CNTN5: variants seen among roughly 807,000 people sequenced by gnomAD.
CNTN5 encodes the protein contactin 5.
A neutral mutation model predicts 129.1 loss-of-function variants in CNTN5; 77 were observed. That is an observed-to-expected ratio of 0.60 (90% CI 0.50 to 0.72). The LOEUF is 0.72. Ranked by LOEUF, CNTN5 falls within the 30% of genes least tolerant of loss-of-function variation. The pLI is 0.00. For synonymous variants in CNTN5, 509 were observed against 465.6 expected, an observed-to-expected ratio of 1.09 and a Z score of -1.20; for missense variants, 1,478 against 1,328.8, an observed-to-expected ratio of 1.11 and a Z score of -1.75.
intron 21 of CNTN5, among the ~76,000 whole-genome samples, chr11:100,315,271 T>C (rs1477763213): frequency 6.6e-6 from 1 of 152,172 alleles, no homozygotes; most frequent in Non-Finnish European, 1.5e-5. Flanking sequence ...CTTAATTGGT[T>C]TAAGAAATAA....
At chr11:99,297,470 ACATGCTGT>A (rs1309861641) in intron 1 of CNTN5, among the ~76,000 whole-genome samples, 1 of 131,756 alleles carries the variant, frequency 7.6e-6, no homozygotes, top group Non-Finnish European at 1.8e-5. Flanking sequence ...AGAGCAGATG[ACATGCTGT>A]AGTGCCAAAC....
intron 8 of CNTN5, among the ~76,000 whole-genome samples, chr11:99,966,218 T>C (rs1951090211): frequency 6.6e-6 from 1 of 152,226 alleles, no homozygotes; most frequent in South Asian, 2.1e-4. Context: ...GCAAAGGCAG[T>C]ATTTTTCCTT....
intron 2 of CNTN5, among the ~76,000 whole-genome samples, chr11:99,404,265 T>C (rs1353185955): frequency 2.1e-5 from 3 of 142,462 alleles, no homozygotes; most frequent in African/African-American, 7.9e-5. Flanking sequence ...TTAAGTTTAT[T>C]TCTTATAGGC....
At position 100,339,534 on chromosome 11, in the gene CNTN5, A is replaced by C. The variant is rs895182528; in HGVS notation, c.2731-929A>C. Among the ~76,000 whole-genome samples the C allele has an allele frequency of 2.0e-5, 3 of 152,128 alleles. No individual in the cohort carries two copies. In the East Asian group the frequency reaches 5.8e-4, roughly 29 times the overall value. On this transcript the variant is annotated intron_variant, in intron 21 of 24. Coordinates refer to ENST00000524871, the MANE Select transcript of CNTN5 (RefSeq NM_014361.4). ...AAAAAGGCAAGATTCAATTGGTAAA[A>C]AGGCATTATTCAGAAAGAACAAATA...
At chr11:99,745,489 G>C (rs1565484382) in intron 3 of CNTN5, among the ~76,000 whole-genome samples, 1 of 147,688 alleles carries the variant, frequency 6.8e-6, no homozygotes, top group Non-Finnish European at 1.5e-5. Context: ...CAGCTAATGA[G>C]TTTTTTGCTC....
chr11:99,996,657 AG>A (rs770051134), intron 8 of CNTN5, among the ~76,000 whole-genome samples: 33 of 152,158 alleles, frequency 2.2e-4, no homozygotes, highest in Non-Finnish European at 3.8e-4. Flanking sequence ...ACACTGATAA[AG>A]AATACTTGAG....
intron 1 of CNTN5, among the ~76,000 whole-genome samples, chr11:99,221,499 G>A (rs1167604373): frequency 6.6e-6 from 1 of 151,870 alleles, no homozygotes; most frequent in African/African-American, 2.4e-5. Flanking sequence ...TCTCCAGGGT[G>A]ACATAAATGT....
chr11:99,122,767 G>T (rs1858411619), intron 1 of CNTN5, among the ~76,000 whole-genome samples: 1 of 151,868 alleles, frequency 6.6e-6, no homozygotes, highest in Non-Finnish European at 1.5e-5. Context: ...TCATTGTTTA[G>T]CTCCCACCTA....
At chr11:100,091,805 A>G (rs1245526121) in intron 13 of CNTN5, among the ~76,000 whole-genome samples, 2 of 152,094 alleles carry the variant, frequency 1.3e-5, no homozygotes, top group African/African-American at 2.4e-5. Flanking sequence ...GTGACCCCAG[A>G]GCCTAGAATT....
At chr11:99,914,107 T>C (rs1413665024) in intron 6 of CNTN5, among the ~76,000 whole-genome samples, 1 of 152,036 alleles carries the variant, frequency 6.6e-6, no homozygotes, top group Non-Finnish European at 1.5e-5. Flanking sequence ...TATATTGGCA[T>C]GTATCTGTAG....
chr11:99,724,588 G>T (rs1010892904), intron 3 of CNTN5, among the ~76,000 whole-genome samples: 2 of 152,122 alleles, frequency 1.3e-5, no homozygotes, highest in African/African-American at 4.8e-5. Context: ...AGAAAGCGAA[G>T]AACAGAAAAC....
chr11:99,886,954 A>G (rs985443010), intron 6 of CNTN5, among the ~76,000 whole-genome samples: 4 of 152,168 alleles, frequency 2.6e-5, no homozygotes, highest in African/African-American at 9.7e-5. Flanking sequence ...GGGCAGGAGG[A>G]ATATAAAAGA....
chr11:99,809,490 A>G (rs932468493), intron 3 of CNTN5, among the ~76,000 whole-genome samples: 1 of 152,072 alleles, frequency 6.6e-6, no homozygotes, highest in Non-Finnish European at 1.5e-5. Context: ...ATATTGCATT[A>G]TTTGTGTCTA....
chr11:99,442,298 T>G (rs1471574539), intron 2 of CNTN5, among the ~76,000 whole-genome samples: 2 of 152,062 alleles, frequency 1.3e-5, no homozygotes, highest in African/African-American at 4.8e-5. Flanking sequence ...GACTCCCGAG[T>G]AGCTGGGATT....
At chr11:100,282,718 G>A (rs180698188) in intron 18 of CNTN5, among the ~76,000 whole-genome samples, 2 of 152,200 alleles carry the variant, frequency 1.3e-5, no homozygotes, top group African/African-American at 4.8e-5. Flanking sequence ...TGCCATTCAG[G>A]AGCCAGGGAC....
chr11:99,844,583 A>G (rs1056100837), intron 4 of CNTN5: 1 of 417,036 alleles, frequency 2.4e-6, no homozygotes, highest in African/African-American at 2.1e-5. Flanking sequence ...AATGAAAACA[A>G]AGATATATAT....
intron 2 of CNTN5, among the ~76,000 whole-genome samples, chr11:99,509,165 C>A (rs1415195130): frequency 6.6e-6 from 1 of 152,022 alleles, no homozygotes; most frequent in Non-Finnish European, 1.5e-5. Flanking sequence ...AGGGAATTCT[C>A]ATATATATTT....
At chr11:99,711,320 G>A (rs1164715987) in intron 3 of CNTN5, among the ~76,000 whole-genome samples, 1 of 151,826 alleles carries the variant, frequency 6.6e-6, no homozygotes, top group Non-Finnish European at 1.5e-5. Context: ...AAGTGGTGAT[G>A]TTTTTGGTGA....
chr11:99,400,958 T>G (rs1410131985), intron 2 of CNTN5, among the ~76,000 whole-genome samples: 1 of 152,182 alleles, frequency 6.6e-6, no homozygotes, highest in Non-Finnish European at 1.5e-5. Flanking sequence ...TTGTTTGAGC[T>G]CCTTATATAC....
Sources: allele counts gnomAD v4.1 joint callset (sites outside exome capture counted in the v4.1 genomes callset), GRCh38; gene constraint gnomAD v4.1.1; transcripts MANE v1.5; gene names NCBI Gene and HGNC (gene_info 2026-07-23, HGNC 2026-07-21).